The following IGSF9B variants were observed in gnomAD, a reference collection of about 807,000 sequenced individuals.
IGSF9B encodes protein turtle homolog B.
In IGSF9B, 48 loss-of-function variants were observed where a neutral mutation model predicts 143.7. The ratio of observed to expected loss-of-function variants is 0.33; its 90% CI spans 0.26 to 0.42. IGSF9B has a LOEUF of 0.42. Ranked by LOEUF, IGSF9B falls within the 20% of genes least tolerant of loss-of-function variation. The pLI is 1.00. For missense variants in IGSF9B, 1,706 were observed against 1,980.0 expected (o/e 0.86, Z 2.63); for synonymous variants, 903 against 833.1 (o/e 1.08, Z -1.44).
intron 1 of IGSF9B, among the ~76,000 whole-genome samples, chr11:133,950,489 G>A (rs1251434428): frequency 6.6e-6 from 1 of 152,242 alleles, no homozygotes; most frequent in Non-Finnish European, 1.5e-5. Context: ...GGTTCCAGCT[G>A]TGCCCGATGC....
At chr11:133,923,498 G>A (rs1939577202) in intron 15 of IGSF9B, among the ~76,000 whole-genome samples, 1 of 152,204 alleles carries the variant, frequency 6.6e-6, no homozygotes, top group Admixed American at 6.5e-5. Flanking sequence ...CGTTATGACC[G>A]AGCCAAGACT....
intron 3 of IGSF9B, among the ~76,000 whole-genome samples, chr11:133,942,312 C>T (rs566649749): frequency 1.3e-5 from 2 of 152,236 alleles, no homozygotes; most frequent in Admixed American, 1.3e-4. Context: ...ACCGGAAGTC[C>T]GACAGGTAAG....
At position 133,907,790 on chromosome 11, in the gene IGSF9B, C is replaced by T. The variant is rs539817243; in HGVS notation, c.*1279G>A. On this transcript the variant is annotated 3_prime_UTR_variant, in exon 20 of 20. Coordinates refer to ENST00000533871, the MANE Select transcript of IGSF9B (RefSeq NM_001277285.4). ...TGGGCAAAGAGGGCAGGATCCAGAGCGTCCCAGGCCCCAGCAGCCAGAGGC... is the reference window on the plus strand; with the variant it reads ...TGGGCAAAGAGGGCAGGATCCAGAGTGTCCCAGGCCCCAGCAGCCAGAGGC... 6.6e-6 allele frequency among the ~76,000 whole-genome samples: 1 copy of T among 152,340 alleles called. No homozygotes were observed. The highest frequency in any genetic ancestry group is 1.5e-5 in the Non-Finnish European group (1 of 68,030).
rs1324848996 is a variant in IGSF9B, at chr11:133,901,615, G to A, written c.*7454C>T. 2 of 152,086 alleles carry A rather than the reference G, an allele frequency of 1.3e-5. No individual in the cohort carries two copies. The highest frequency in any genetic ancestry group is 2.4e-5 in the African/African-American group (1 of 41,368). 9.4% of individuals were successfully genotyped at this position (152,086 alleles called of 1,614,324 possible). On this transcript the variant is annotated 3_prime_UTR_variant, in exon 20 of 20. Transcript: ENST00000533871. Reference sequence around the variant, plus strand: ...CTCTCCTTAAAATAGAACCAATTCTGTAGATTTATATAATTTTATGTACAG... The same window carrying A: ...CTCTCCTTAAAATAGAACCAATTCTATAGATTTATATAATTTTATGTACAG...
rs1386932306 is a variant in IGSF9B, at chr11:133,907,440, C to T, written c.*1629G>A. On this transcript the variant is annotated 3_prime_UTR_variant, in exon 20 of 20. Transcript: ENST00000533871. ...GGGAACTCGGGAGAGGTGGGTGCCC[C>T]CAAACCCACCAAGACAGCAGCACCA... is the stretch of plus-strand genomic sequence containing the variant. Among the ~76,000 whole-genome samples the T allele has an allele frequency of 1.3e-5, 2 of 152,190 alleles. No homozygotes were observed. Among genetic ancestry groups the T allele is most frequent in the South Asian group, 2.1e-4 (1 of 4,830 alleles).
chr11:133,926,970 G>A lies in IGSF9B; in HGVS notation c.1753C>T (p.Gln585Ter), dbSNP rs1270519234. The A allele has an allele frequency of 1.3e-6, 2 of 1,595,780 alleles. No homozygotes were observed. The highest frequency in any genetic ancestry group is 1.7e-6 in the Non-Finnish European group (2 of 1,171,592). Residue 585 changes from glutamine to a stop codon, truncating the protein, a stop_gained, in exon 13 of 20, where the codon CAG becomes TAG. Transcript: ENST00000533871. LOFTEE classifies it high-confidence loss of function. ...ETAYQFSVLAQNKLGTSAFSE... is the reference protein window; with the variant it reads ...ETAYQFSVLA ...AAGGCGCTGGTTCCCAGCTTGTTCT[G>A]GGCCAGGACGCTGAACTGGTACGCT...
At chr11:133,927,226 G>A in intron 12 of IGSF9B, 135 bp from the exon 13 acceptor site, 3 of 716,612 alleles carry the variant, frequency 4.2e-6, no homozygotes, top group Non-Finnish European at 7.0e-6. Flanking sequence ...GCAAGAAGAG[G>A]GCATGGCCCA....
chr11:133,922,577 C>T lies in IGSF9B; in HGVS notation c.2273G>A (p.Arg758His), dbSNP rs200622057. Reference protein sequence around the residue: ...VNKQRKRKLKRKKDPPLSITH... With the variant: ...VNKQRKRKLKHKKDPPLSITH... ...AGGGGACAGACACCCACCTTTTTTGCGCTTGAGCTTACGCTTGCGCTGCTT... is the reference window on the plus strand; with the variant it reads ...AGGGGACAGACACCCACCTTTTTTGTGCTTGAGCTTACGCTTGCGCTGCTT... The change falls in exon 16 of 20, where the codon CGC becomes CAC. Residue 758 changes from arginine (R) to histidine (H), a missense_variant. By Grantham distance (29) the Arg-to-His change is conservative. This residue lies in a region of IGSF9B where 135 missense variants were observed against 181.3 expected (regional missense o/e 0.74). Coordinates refer to ENST00000533871, the MANE Select transcript of IGSF9B (RefSeq NM_001277285.4). 324 of 1,608,644 alleles carry T rather than the reference C, an allele frequency of 2.0e-4. No homozygotes were observed. Among genetic ancestry groups the T allele is most frequent in the Non-Finnish European group, 2.5e-4 (295 of 1,176,610 alleles).
Position 133,908,943 on chromosome 11 carries a change from G to A in IGSF9B, c.*126C>T. The A allele has an allele frequency of 1.3e-6, 1 of 790,876 alleles. No individual in the cohort carries two copies. The allele number at this position is 790,876 out of a possible 1,614,324, so 49.0% of individuals were successfully genotyped here. On this transcript the variant is annotated 3_prime_UTR_variant, in exon 20 of 20. Coordinates refer to ENST00000533871, the MANE Select transcript of IGSF9B (RefSeq NM_001277285.4). ...GAGGGAGACACCCGCTCTGGCAAAAGAGGGGGCATGCAGGACAAAGGTCTG... is the reference window on the plus strand; with the variant it reads ...GAGGGAGACACCCGCTCTGGCAAAAAAGGGGGCATGCAGGACAAAGGTCTG...
rs772880801 is a variant in IGSF9B at position 133,920,649 on chromosome 11, G to C, written c.3076C>G (p.Pro1026Ala). 6.2e-7 allele frequency: 1 copy of C among 1,613,542 alleles called. No homozygotes were observed. The highest frequency in any genetic ancestry group is 2.2e-5 in the East Asian group (1 of 44,860). Residue 1026 changes from proline to alanine, a missense_variant, in exon 18 of 20, where the codon CCC (proline) becomes GCC (alanine). Pro to Ala is a conservative substitution (Grantham distance 27, BLOSUM62 -1). Around this residue, in one of 7 missense-constraint regions of IGSF9B, gnomAD observed 880 missense variants for 762.9 expected, o/e 1.15. Transcript: ENST00000533871. ...NGENASNSTLPLTQTPTGGRS... is the reference protein window; with the variant it reads ...NGENASNSTLALTQTPTGGRS... The stretch of plus-strand genomic sequence containing the variant: ...CCTCCTGTAGGTGTCTGAGTCAAGG[G>C]CAGCGTGCTGTTGGATGCATTCTCT...
Position 133,944,383 on chromosome 11 carries a change from G to A in IGSF9B, c.263-17C>T. The A allele has an allele frequency of 1.2e-6, 2 of 1,612,160 alleles. No individual in the cohort carries two copies. Among genetic ancestry groups the A allele is most frequent in the Non-Finnish European group, 1.7e-6 (2 of 1,179,638 alleles). ...TGGCCCGGCCTGGGGGAATAGAGCA[G>A]ACAAAAGCCCCACAGGCCATCAGGT... On this transcript the variant is annotated splice_polypyrimidine_tract_variant and intron_variant, in intron 2 of 19. Coordinates refer to ENST00000533871, the MANE Select transcript of IGSF9B (RefSeq NM_001277285.4).
chr11:133,950,818 G>A (rs774508111), intron 1 of IGSF9B, among the ~76,000 whole-genome samples: 3 of 152,124 alleles, frequency 2.0e-5, no homozygotes, highest in East Asian at 1.9e-4. Flanking sequence ...AGCGGGGAAC[G>A]GAGTGAGCAC....
chr11:133,945,181 C>T lies in IGSF9B; in HGVS notation c.263-815G>A, dbSNP rs1940023724. ...GCCCTCGAGGTCGGCCCACCTCACC[C>T]GCTCTTAGCTCACCCCTCACCGCAG... On this transcript the variant is annotated intron_variant, in intron 2 of 19. Coordinates refer to ENST00000533871, the MANE Select transcript of IGSF9B (RefSeq NM_001277285.4). This position sits in a 1 kb window ranked among gnomAD's most constrained non-coding sequence, Gnocchi z 4.6. 1.3e-5 allele frequency among the ~76,000 whole-genome samples: 2 copies of T among 152,186 alleles called. No individual in the cohort carries two copies. The highest frequency in any genetic ancestry group is 2.1e-4 in the South Asian group (1 of 4,830).
Position 133,899,453 on chromosome 11 carries a change from T to A in IGSF9B, c.*9616A>T, listed in dbSNP as rs1246948418. The A allele has an allele frequency of 1.3e-5, 2 of 152,264 alleles. No individual in the cohort carries two copies. Among genetic ancestry groups the A allele is most frequent in the Non-Finnish European group, 2.9e-5 (2 of 68,080 alleles). The allele number at this position is 152,264 out of a possible 1,614,324, so 9.4% of individuals were successfully genotyped here. On this transcript the variant is annotated 3_prime_UTR_variant, in exon 20 of 20. Transcript: ENST00000533871. ...GAAAGGTCACAGGTAGGCACTAACA[T>A]CCCCTCCACACTGTACAATTTCAAG...
At chr11:133,922,294 G>A in intron 16 of IGSF9B, 72 bp from the exon 17 acceptor site, 1 of 1,374,936 alleles carries the variant, frequency 7.3e-7, no homozygotes, top group South Asian at 1.2e-5. Flanking sequence ...ATCTGCAGAG[G>A]CTGACAGAGC....
At chr11:133,949,045 C>T (rs938737971) in intron 1 of IGSF9B, among the ~76,000 whole-genome samples, 1 of 152,180 alleles carries the variant, frequency 6.6e-6, no homozygotes, top group Non-Finnish European at 1.5e-5. Context: ...CCCCAGCCAG[C>T]CCCTGGGCTA....
rs1939121180 is a variant in IGSF9B, at chr11:133,901,619, A to G, written c.*7450T>C. ...CCTTAAAATAGAACCAATTCTGTAG[A>G]TTTATATAATTTTATGTACAGTCTC... On this transcript the variant is annotated 3_prime_UTR_variant, in exon 20 of 20. Transcript: ENST00000533871. The G allele has an allele frequency of 6.6e-6, 1 of 152,140 alleles. No homozygotes were observed. The highest frequency in any genetic ancestry group is 1.5e-5 in the Non-Finnish European group (1 of 68,014). The allele number at this position is 152,140 out of a possible 1,614,324, so 9.4% of individuals were successfully genotyped here. A position where few individuals can be genotyped will look rare whatever the true frequency, so the allele number is the denominator to read the frequency against.
rs757162308 is a variant in IGSF9B, at chr11:133,937,919, G to C, written c.452C>G (p.Ala151Gly). The C allele has an allele frequency of 6.2e-7, 1 of 1,613,126 alleles. No individual in the cohort carries two copies. The change falls in exon 4 of 20, where the codon GCC becomes GGC. Residue 151 changes from alanine (A) to glycine (G), a missense_variant. Transcript: ENST00000533871. ...CATGGTGATACTACCACCCTCCTTG[G>C]CCTCGATGTACTGGGGGGGTGTTTC... is the stretch of plus-strand genomic sequence containing the variant. ...FTETPPQYIE[A>G]KEGGSITMTC...
In IGSF9B at chr11:133,948,056, CGTGTGT is replaced by C. The variant is rs71038546; in HGVS notation, c.65-1804_65-1799del. On this transcript the variant is annotated intron_variant, in intron 1 of 19. Transcript: ENST00000533871. The surrounding 1 kb of genome is among the most constrained non-coding windows in gnomAD (Gnocchi z 4.7). ...CTGTTTCTGTCTACCAGCATGTGTG[CGTGTGT>C]GTGTGTGTGTGTGTGTGTGTGTGTG... 2.3e-3 allele frequency among the ~76,000 whole-genome samples: 345 copies of C among 147,292 alleles called. 1 individual carries two copies. Among genetic ancestry groups the C allele is most frequent in the African/African-American group, 7.7e-3 (302 of 39,186 alleles).
Sources: gnomAD v4.1 joint callset for allele counts (sites outside exome capture counted in the v4.1 genomes callset) on GRCh38, gnomAD v4.1.1 for gene constraint, gnomAD v4.1.1 regional missense constraint, Gnocchi (gnomAD v3.1) non-coding constraint, MANE v1.5 for transcripts, NCBI Gene and HGNC (gene_info 2026-07-23, HGNC 2026-07-21) for gene names.